Variants in SACS observed in about 807,000 individuals in gnomAD.
The protein encoded by SACS is sacsin.
A neutral mutation model predicts 348.0 loss-of-function variants in SACS; 197 were observed. That is an observed-to-expected ratio of 0.57 (90% CI 0.50 to 0.64). The LOEUF (loss-of-function observed/expected upper bound fraction) is 0.64. Ranked by LOEUF, SACS falls within the 30% of genes least tolerant of loss-of-function variation. The probability of loss-of-function intolerance (pLI) is 0.00; values close to 1 mark genes in which losing one functional copy is unlikely to be tolerated. For missense variants in SACS, 4,999 were observed against 5,360.8 expected (o/e 0.93, Z 2.11); for synonymous variants, 1,985 against 1,910.6 (o/e 1.04, Z -1.02).
intron 9 of SACS, among the ~76,000 whole-genome samples, chr13:23,344,207 AAC>A (rs1869456749): frequency 6.6e-6 from 1 of 152,226 alleles, no homozygotes; most frequent in African/African-American, 2.4e-5. Context: ...TAAAATTCAA[AAC>A]ACTCAGAAAA....
chr13:23,336,545 C>G lies in SACS; in HGVS notation c.7331G>C (p.Cys2444Ser), dbSNP rs757062222. 1 of 1,613,810 alleles carries G rather than the reference C, an allele frequency of 6.2e-7. No individual in the cohort carries two copies. The highest frequency in any genetic ancestry group is 1.3e-5 in the African/African-American group (1 of 75,034). ...TAATATCTTGCCATAATTTTTCTCA[C>G]AAAATTCTTGTTTCTTTTCTCTAAT... ...SLIREKKQEF[C>S]EKNYGKILLP... The change falls in exon 10 of 10, where the codon TGT becomes TCT. Residue 2444 changes from cysteine to serine, a missense_variant. Cys to Ser is a moderately radical substitution (Grantham distance 112). This residue lies in a region of SACS where 3,156 missense variants were observed against 3,380.1 expected (regional missense o/e 0.93). Coordinates refer to ENST00000382292, the MANE Select transcript of SACS (RefSeq NM_014363.6).
intron 2 of SACS, among the ~76,000 whole-genome samples, chr13:23,389,838 C>T (rs1024239082): frequency 2.6e-5 from 4 of 152,120 alleles, no homozygotes; most frequent in African/African-American, 9.7e-5. Flanking sequence ...CTTTTTGCTT[C>T]TTTTTGCAGG....
rs752430268 is a variant in SACS, at chr13:23,330,153, T to A, written c.13723A>T (p.Met4575Leu). ...AAATATCTTCACACTTTTTGTTGCA[T>A]AAAATTTTCAAGTTTTATTATGATA... ...ACIIIKLENF[M>L]QQKV Residue 4575 changes from methionine to leucine, a missense_variant, in exon 10 of 10, where the codon ATG becomes TTG. Physicochemically the swap from Met to Leu is conservative, Grantham distance 15. This residue lies in a region of SACS where 254 missense variants were observed against 275.1 expected (regional missense o/e 0.92). Coordinates refer to ENST00000382292, the MANE Select transcript of SACS (RefSeq NM_014363.6). The A allele has an allele frequency of 1.1e-5, 18 of 1,613,806 alleles. No individual in the cohort carries two copies. The South Asian group carries it at 2.0e-4, about 18-fold the overall frequency.
At chr13:23,392,117 A>C (rs1188595934) in intron 2 of SACS, among the ~76,000 whole-genome samples, 1 of 152,130 alleles carries the variant, frequency 6.6e-6, no homozygotes. Flanking sequence ...CTTGACGAGG[A>C]CCTCAGACGG....
Position 23,371,106 on chromosome 13 carries a change from G to T in SACS, c.231C>A (p.Asn77Lys). The change falls in exon 4 of 10, where the codon AAC (asparagine) becomes AAA (lysine). Residue 77 changes from asparagine (N) to lysine (K), a missense_variant. Asn to Lys is a moderately conservative substitution (Grantham distance 94). Transcript: ENST00000382292. ...CCCCTTTTAAGCCTTTTGATTGAAGGTTTACAAAAAGATGACAATTTTTGG... is the reference window on the plus strand; with the variant it reads ...CCCCTTTTAAGCCTTTTGATTGAAGTTTTACAAAAAGATGACAATTTTTGG... Reference protein sequence around the residue: ...LTSKNCHLFVNLQSKGLKGGG... With the variant: ...LTSKNCHLFVKLQSKGLKGGG... 6.2e-7 allele frequency: 1 copy of T among 1,609,872 alleles called. No individual in the cohort carries two copies. The highest frequency in any genetic ancestry group is 8.5e-7 in the Non-Finnish European group (1 of 1,176,654).
chr13:23,375,455 G>C, intron 2 of SACS, 186 bp from the exon 3 acceptor site: 1 of 1,176,772 alleles, frequency 8.5e-7, no homozygotes, highest in Non-Finnish European at 1.0e-6. Context: ...CGCGGGCCGG[G>C]AGGGCGGGAT....
At chr13:23,371,491 T>C (rs76223687) in intron 3 of SACS, among the ~76,000 whole-genome samples, 2,466 of 152,318 alleles carry the variant, frequency 0.016, 58 homozygotes, top group African/African-American at 0.053. Flanking sequence ...ATTTCCAAAG[T>C]GTATTGCTCA....
chr13:23,343,242 C>A (rs1869383115), intron 9 of SACS, among the ~76,000 whole-genome samples: 1 of 152,100 alleles, frequency 6.6e-6, no homozygotes, highest in African/African-American at 2.4e-5. Context: ...CAGAGTATAA[C>A]ATTTATAATA....
Position 23,333,336 on chromosome 13 carries a change from T to C in SACS, c.10540A>G (p.Lys3514Glu), listed in dbSNP as rs1327639563. 6.2e-7 allele frequency: 1 copy of C among 1,600,746 alleles called. No homozygotes were observed. The change falls in exon 10 of 10, where the codon AAG becomes GAG. Residue 3514 changes from lysine (K) to glutamate (E), a missense_variant. This residue lies in a region of SACS where 831 missense variants were observed against 941.8 expected (regional missense o/e 0.88). Coordinates refer to ENST00000382292, the MANE Select transcript of SACS (RefSeq NM_014363.6). ...TCCAGTTTTTCAAAAAGTTGTTCCT[T>C]AATCTCTGATAATTCCTCAGCACTT... is the stretch of plus-strand genomic sequence containing the variant. The part of the protein sequence containing the change: ...LSSAEELSEI[K>E]EQLFEKLESL...
chr13:23,398,545 A>G (rs1872808264), intron 2 of SACS, among the ~76,000 whole-genome samples: 1 of 151,828 alleles, frequency 6.6e-6, no homozygotes, highest in South Asian at 2.1e-4. Flanking sequence ...AAAAAAAAAA[A>G]AAAAAAGAAA....
rs1868457551 is a variant in SACS, at chr13:23,335,119, A to G, written c.8757T>C (p.Ala2919=). 6.2e-7 allele frequency: 1 copy of G among 1,613,878 alleles called. No homozygotes were observed. The highest frequency in any genetic ancestry group is 8.5e-7 in the Non-Finnish European group (1 of 1,179,892). The change falls in exon 10 of 10, where the codon GCT becomes GCC. Residue 2919 remains alanine, a synonymous_variant. Coordinates refer to ENST00000382292, the MANE Select transcript of SACS (RefSeq NM_014363.6). The surrounding 1 kb of genome is among the most constrained non-coding windows in gnomAD (Gnocchi z 4.7). The stretch of plus-strand genomic sequence containing the variant: ...GTATTAGCAATTCAACATATGCAGG[A>G]GCTATTAATGCTGTCATTAAACTGT... ...WNNSLMTALI[A]PAYVELLIQL...
At chr13:23,398,669 T>C (rs959068932) in intron 2 of SACS, among the ~76,000 whole-genome samples, 8 of 152,122 alleles carry the variant, frequency 5.3e-5, no homozygotes, top group Non-Finnish European at 1.0e-4. Context: ...ATATTATTAT[T>C]TGAGGACAAT....
chr13:23,417,441 A>T (rs1873731396), intron 1 of SACS, among the ~76,000 whole-genome samples: 1 of 152,218 alleles, frequency 6.6e-6, no homozygotes, highest in Admixed American at 6.5e-5. Context: ...GGGAACAATC[A>T]AAGAGAGTAA....
At chr13:23,425,139 T>C (rs1874117381) in intron 1 of SACS, among the ~76,000 whole-genome samples, 2 of 151,654 alleles carry the variant, frequency 1.3e-5, no homozygotes, top group African/African-American at 4.8e-5. Context: ...TCGAGCTGGA[T>C]GGTCCTCTGG....
Position 23,341,141 on chromosome 13 carries a change from T to C in SACS, c.2735A>G (p.Asp912Gly). 1 of 1,613,328 alleles carries C rather than the reference T, an allele frequency of 6.2e-7. No individual in the cohort carries two copies. Among genetic ancestry groups the C allele is most frequent in the East Asian group, 2.2e-5 (1 of 44,872 alleles). Residue 912 changes from aspartate (D) to glycine (G), a missense_variant, in exon 10 of 10, where the codon GAT (aspartate) becomes GGT (glycine). By Grantham distance (94) the Asp-to-Gly change is moderately conservative (BLOSUM62 -1). Coordinates refer to ENST00000382292, the MANE Select transcript of SACS (RefSeq NM_014363.6). ...ALRKFLASLT[D>G]SSEKEKRIIQ... ...AATTCTTTTCTCTTTCTCACTGCTATCGGTTAAACTAGCCAAGAACTTCCT... is the reference window on the plus strand; with the variant it reads ...AATTCTTTTCTCTTTCTCACTGCTACCGGTTAAACTAGCCAAGAACTTCCT...
rs1247323854 is a variant in SACS at position 23,334,025 on chromosome 13, G to C, written c.9851C>G (p.Thr3284Arg). 6.2e-7 allele frequency: 1 copy of C among 1,613,848 alleles called. No individual in the cohort carries two copies. The stretch of plus-strand genomic sequence containing the variant: ...CTGGTTGGCTGAAACAGTAAACTTT[G>C]TTCCTGGAAGCAATGCCCAGTCTTT... Reference protein sequence around the residue: ...TLKDWALLPGTKFTVSANQLV... With the variant: ...TLKDWALLPGRKFTVSANQLV... Residue 3284 changes from threonine to arginine, a missense_variant, in exon 10 of 10, where the codon ACA becomes AGA. Around this residue, in one of 6 missense-constraint regions of SACS, gnomAD observed 734 missense variants for 694.0 expected, o/e 1.06. Transcript: ENST00000382292.
At chr13:23,403,267 C>T (rs1249002505) in intron 2 of SACS, among the ~76,000 whole-genome samples, 1 of 152,046 alleles carries the variant, frequency 6.6e-6, no homozygotes, top group Non-Finnish European at 1.5e-5. Flanking sequence ...CAGGATGATG[C>T]TGGCTTCATA....
In SACS at chr13:23,337,027, T is replaced by A. The variant is rs755452979; in HGVS notation, c.6849A>T (p.Gly2283=). Residue 2283 remains glycine, a synonymous_variant, in exon 10 of 10, where the codon GGA becomes GGT. Coordinates refer to ENST00000382292, the MANE Select transcript of SACS (RefSeq NM_014363.6). The part of the protein sequence containing the change: ...SVSLAVKEFL[G]LLKKPTVDLV... ...GATCAACTGTTGGCTTCTTGAGTAATCCCAAAAACTCTTTAACAGCCAATG... is the reference window on the plus strand; with the variant it reads ...GATCAACTGTTGGCTTCTTGAGTAAACCCAAAAACTCTTTAACAGCCAATG... The A allele has an allele frequency of 1.2e-6, 2 of 1,613,844 alleles. No individual in the cohort carries two copies. The highest frequency in any genetic ancestry group is 4.5e-5 in the East Asian group (2 of 44,878).
At chr13:23,408,366 G>A (rs1008594246) in intron 2 of SACS, among the ~76,000 whole-genome samples, 6 of 152,320 alleles carry the variant, frequency 3.9e-5, no homozygotes, top group African/African-American at 1.4e-4. Context: ...CTTCCTGAAA[G>A]CAATGGAGAA....
Sources: gnomAD v4.1 joint callset for allele counts (sites outside exome capture counted in the v4.1 genomes callset) on GRCh38, gnomAD v4.1.1 for gene constraint, gnomAD v4.1.1 regional missense constraint, Gnocchi (gnomAD v3.1) non-coding constraint, MANE v1.5 for transcripts, NCBI Gene and HGNC (gene_info 2026-07-23, HGNC 2026-07-21) for gene names.